Variants in ZEB2 observed in about 807,000 individuals in gnomAD.
ZEB2 encodes zinc finger E-box-binding homeobox 2.
A neutral mutation model predicts 99.9 loss-of-function variants in ZEB2; 6 were observed. That is an observed-to-expected ratio of 0.06 (90% CI 0.03 to 0.12). The LOEUF is 0.12. Among genes scored for constraint, ZEB2 ranks in the 10% least tolerant of loss-of-function variants. ZEB2 has a pLI of 1.00. For synonymous variants in ZEB2, 517 were observed against 542.5 expected, an observed-to-expected ratio of 0.95 and a Z score of 0.65; for missense variants, 969 against 1,502.8, an observed-to-expected ratio of 0.64 and a Z score of 5.87.
At chr2:144,404,498 G>T (rs1057030247) in intron 5 of ZEB2, among the ~76,000 whole-genome samples, 1 of 151,938 alleles carries the variant, frequency 6.6e-6, no homozygotes, top group Non-Finnish European at 1.5e-5. Context: ...TTCAGGTGTC[G>T]GTGGAGAAGA....
intron 2 of ZEB2, among the ~76,000 whole-genome samples, chr2:144,452,328 G>C (rs551118306): frequency 6.6e-6 from 1 of 152,056 alleles, no homozygotes; most frequent in African/African-American, 2.4e-5. Flanking sequence ...CTGAAGTAAG[G>C]GGGGAAGCTC....
rs1399092292 is a variant in ZEB2, at chr2:144,404,702, T to C, written c.592+134A>G. On this transcript the variant is annotated intron_variant, in intron 5 of 9. Transcript: ENST00000627532. ...CAATACCCTAAAATTACAGTTCTAATCTTTGCTCATGAAATTCCATGCCTC... is the reference window on the plus strand; with the variant it reads ...CAATACCCTAAAATTACAGTTCTAACCTTTGCTCATGAAATTCCATGCCTC... 8 of 1,212,052 alleles carry C rather than the reference T, an allele frequency of 6.6e-6. No homozygotes were observed. In the Admixed American group the frequency reaches 1.2e-4, roughly 19 times the overall value. The allele number at this position is 1,212,052 out of a possible 1,614,324, so 75.1% of individuals were successfully genotyped here. A position where few individuals can be genotyped will look rare whatever the true frequency, so the allele number is the denominator to read the frequency against.
Position 144,387,486 on chromosome 2 carries a change from T to A in ZEB2, c.*1965A>T, listed in dbSNP as rs79710863. 1 of 152,324 alleles carries A rather than the reference T, an allele frequency of 6.6e-6. No individual in the cohort carries two copies. The highest frequency in any genetic ancestry group is 1.9e-4 in the East Asian group (1 of 5,182). 9.4% of individuals were successfully genotyped at this position (152,324 alleles called of 1,614,324 possible). On this transcript the variant is annotated 3_prime_UTR_variant, in exon 10 of 10. Transcript: ENST00000627532. ...TGTCTTAGAAAATCACGGTTATTTT[T>A]GTTAGCATTTGCTTTTAGCTTTTCC... is the stretch of plus-strand genomic sequence containing the variant.
At chr2:144,408,714 T>C (rs1271082922) in intron 4 of ZEB2, among the ~76,000 whole-genome samples, 1 of 152,188 alleles carries the variant, frequency 6.6e-6, no homozygotes, top group Non-Finnish European at 1.5e-5. Context: ...TGCTTCTCCA[T>C]TTCCTGATTG....
intron 2 of ZEB2, among the ~76,000 whole-genome samples, chr2:144,486,306 G>A (rs754923238): frequency 1.7e-4 from 26 of 149,860 alleles, no homozygotes; most frequent in South Asian, 8.4e-4. Flanking sequence ...TTTTTTGGTC[G>A]ACCTGAAAAA....
chr2:144,507,804 AGTTACT>A, intron 2 of ZEB2, among the ~76,000 whole-genome samples: 1 of 152,302 alleles, frequency 6.6e-6, no homozygotes, highest in Middle Eastern at 3.4e-3. Flanking sequence ...AAATATGCGC[AGTTACT>A]GTTGCTGAGG....
At chr2:144,440,915 T>C (rs1222888955) in intron 2 of ZEB2, among the ~76,000 whole-genome samples, 4 of 151,540 alleles carry the variant, frequency 2.6e-5, no homozygotes, top group Non-Finnish European at 4.4e-5. Flanking sequence ...TTGGATGACA[T>C]GGCATATGGT....
At chr2:144,489,164 C>T (rs1704641686) in intron 2 of ZEB2, among the ~76,000 whole-genome samples, 1 of 152,006 alleles carries the variant, frequency 6.6e-6, no homozygotes, top group African/African-American at 2.4e-5. Flanking sequence ...CTGATCAGTC[C>T]CTCTTTTCTC....
chr2:144,409,458 T>C (rs1703429260), intron 4 of ZEB2, among the ~76,000 whole-genome samples: 1 of 152,170 alleles, frequency 6.6e-6, no homozygotes, highest in South Asian at 2.1e-4. Context: ...CTTCTTTCTG[T>C]AATCCTCTTC....
At chr2:144,450,650 T>C (rs1330620365) in intron 2 of ZEB2, among the ~76,000 whole-genome samples, 1 of 152,158 alleles carries the variant, frequency 6.6e-6, no homozygotes. Flanking sequence ...ATGTTACTTA[T>C]AGCAGCTCTG....
chr2:144,411,087 ATATATATATATATG>A (rs1703456052), intron 4 of ZEB2, among the ~76,000 whole-genome samples: 1 of 111,816 alleles, frequency 8.9e-6, no homozygotes, highest in African/African-American at 3.0e-5. Flanking sequence ...ATATATATAT[ATATATATATATATG>A]TATAATAGGG....
intron 4 of ZEB2, among the ~76,000 whole-genome samples, chr2:144,411,849 C>A (rs901903098): frequency 1.3e-5 from 2 of 152,220 alleles, no homozygotes; most frequent in Non-Finnish European, 2.9e-5. Flanking sequence ...TATCAAATAT[C>A]TCCCTAAACA....
chr2:144,510,055 T>C (rs888882032), intron 2 of ZEB2, among the ~76,000 whole-genome samples: 1 of 152,066 alleles, frequency 6.6e-6, no homozygotes, highest in African/African-American at 2.4e-5. Context: ...AAAAAAAGTA[T>C]GGAGAAGGTG....
chr2:144,491,510 C>T (rs115679978), intron 2 of ZEB2, among the ~76,000 whole-genome samples: 1 of 152,124 alleles, frequency 6.6e-6, no homozygotes, highest in Admixed American at 6.5e-5. Context: ...TGGTGCCGGG[C>T]AGACTTTTTG....
intron 3 of ZEB2, chr2:144,428,991 A>G (rs183504844): frequency 2.0e-5 from 3 of 152,368 alleles, no homozygotes; most frequent in Non-Finnish European, 4.4e-5. Context: ...GAGCAGAGAA[A>G]GTTCACAGGA....
chr2:144,417,003 G>A (rs1010099664), intron 4 of ZEB2, among the ~76,000 whole-genome samples: 3 of 152,162 alleles, frequency 2.0e-5, no homozygotes, highest in African/African-American at 7.2e-5. Context: ...ATGCGCTAAC[G>A]TTGCACTAAA....
intron 9 of ZEB2, among the ~76,000 whole-genome samples, chr2:144,395,748 A>C (rs1177651581): frequency 2.6e-5 from 4 of 152,208 alleles, no homozygotes; most frequent in Non-Finnish European, 4.4e-5. Flanking sequence ...CTATCTCTCT[A>C]CTCATAGTGA....
At chr2:144,477,695 G>T (rs550339478) in intron 2 of ZEB2, among the ~76,000 whole-genome samples, 1 of 152,322 alleles carries the variant, frequency 6.6e-6, no homozygotes, top group South Asian at 2.1e-4. Context: ...TCCATTTCGT[G>T]TGAATACCGT....
intron 2 of ZEB2, among the ~76,000 whole-genome samples, chr2:144,471,216 A>AACTTCTACAAACTTCTAT (rs1292754092): frequency 6.6e-6 from 1 of 152,196 alleles, no homozygotes; most frequent in Non-Finnish European, 1.5e-5. Flanking sequence ...TTAACTAGTT[A>AACTTCTACAAACTTCTAT]AACTTCTACA....
Sources: allele counts gnomAD v4.1 joint callset (sites outside exome capture counted in the v4.1 genomes callset), GRCh38; gene constraint gnomAD v4.1.1; transcripts MANE v1.5; gene names NCBI Gene and HGNC (gene_info 2026-07-23, HGNC 2026-07-21).